Variants in BNC2 observed in about 807,000 individuals in gnomAD.
BNC2 encodes the protein zinc finger protein basonuclin-2.
In BNC2, 20 loss-of-function variants were observed where a neutral mutation model predicts 76.3. The observed-to-expected ratio is 0.26, with a 90% CI of 0.18 to 0.38. The LOEUF (loss-of-function observed/expected upper bound fraction) is 0.38. BNC2 is among the 10% of genes least tolerant of loss of function. BNC2 has a pLI of 1.00. For missense variants in BNC2, 1,382 were observed against 1,399.8 expected, an observed-to-expected ratio of 0.99 and a Z score of 0.20; for synonymous variants, 582 against 514.8, an observed-to-expected ratio of 1.13 and a Z score of -1.77.
intron 4 of BNC2, among the ~76,000 whole-genome samples, chr9:16,562,231 T>C (rs185611757): frequency 3.9e-5 from 6 of 152,300 alleles, no homozygotes; most frequent in African/African-American, 1.4e-4. Context: ...GAGCAAAGCA[T>C]GAGTGTCCAA....
chr9:16,649,942 G>C (rs1203091492), intron 3 of BNC2, among the ~76,000 whole-genome samples: 1 of 152,160 alleles, frequency 6.6e-6, no homozygotes, highest in Admixed American at 6.5e-5. Flanking sequence ...CATTTTCAAA[G>C]TGTGGGCTAG....
intron 3 of BNC2, among the ~76,000 whole-genome samples, chr9:16,594,193 T>A (rs1475158728): frequency 1.3e-5 from 2 of 152,114 alleles, no homozygotes. Flanking sequence ...GAAGCTTAAA[T>A]TCTGGTATGT....
chr9:16,804,203 T>A (rs143766571), intron 1 of BNC2, among the ~76,000 whole-genome samples: 16 of 152,336 alleles, frequency 1.1e-4, no homozygotes, highest in African/African-American at 3.8e-4. Flanking sequence ...CAATAAAGCA[T>A]CATAAAATAA....
chr9:16,741,322 G>T (rs557945774), intron 1 of BNC2, among the ~76,000 whole-genome samples: 1 of 152,160 alleles, frequency 6.6e-6, no homozygotes, highest in Admixed American at 6.5e-5. Context: ...GTATGGTGGT[G>T]CATGCCTGTA....
chr9:16,856,277 TCACA>T (rs5896710), intron 1 of BNC2, among the ~76,000 whole-genome samples: 60,295 of 148,086 alleles, frequency 0.41, 14,050 homozygotes, highest in Non-Finnish European at 0.55. Context: ...TCTCTCTCTC[TCACA>T]CACACACACA....
chr9:16,738,524 A>G, intron 1 of BNC2, 39 bp from the exon 2 acceptor site: 2 of 1,609,380 alleles, frequency 1.2e-6, no homozygotes, highest in Non-Finnish European at 1.7e-6. Flanking sequence ...ATATGCCCAG[A>G]CAGTATTACT....
chr9:16,717,313 ACTTT>A (rs1824020491), intron 3 of BNC2, among the ~76,000 whole-genome samples: 3 of 152,266 alleles, frequency 2.0e-5, no homozygotes, highest in South Asian at 2.1e-4. Flanking sequence ...GACTAAACTT[ACTTT>A]CTTTCTTTTT....
At chr9:16,751,054 C>G (rs1195180535) in intron 1 of BNC2, among the ~76,000 whole-genome samples, 1 of 152,096 alleles carries the variant, frequency 6.6e-6, no homozygotes, top group Non-Finnish European at 1.5e-5. Flanking sequence ...AATTCACCCA[C>G]AAGATTAAAT....
chr9:16,451,708 T>A (rs567309665), intron 5 of BNC2, among the ~76,000 whole-genome samples: 1 of 152,270 alleles, frequency 6.6e-6, no homozygotes, highest in Non-Finnish European at 1.5e-5. Flanking sequence ...TCCTCTCCTA[T>A]CTTTTTCCTT....
intron 1 of BNC2, among the ~76,000 whole-genome samples, chr9:16,751,834 A>G (rs1190555475): frequency 6.6e-6 from 1 of 152,038 alleles, no homozygotes; most frequent in Non-Finnish European, 1.5e-5. Context: ...GTTCAAGACC[A>G]GCCTGGCCAA....
chr9:16,845,598 G>C (rs1007304985), intron 1 of BNC2, among the ~76,000 whole-genome samples: 2 of 152,074 alleles, frequency 1.3e-5, no homozygotes, highest in African/African-American at 4.8e-5. Context: ...GCGTGGGCCT[G>C]TAGTCCCAGC....
chr9:16,452,004 C>A (rs1587043284), intron 5 of BNC2, among the ~76,000 whole-genome samples: 2 of 152,162 alleles, frequency 1.3e-5, no homozygotes, highest in African/African-American at 2.4e-5. Flanking sequence ...GTGTAAGTAG[C>A]TGACTTGGGA....
At chr9:16,825,870 T>A (rs1423881967) in intron 1 of BNC2, among the ~76,000 whole-genome samples, 1 of 151,090 alleles carries the variant, frequency 6.6e-6, no homozygotes, top group East Asian at 1.9e-4. Flanking sequence ...ATAACTGTAT[T>A]TTTTTTTTGC....
At chr9:16,563,656 T>A (rs1226079126) in intron 4 of BNC2, among the ~76,000 whole-genome samples, 3 of 152,216 alleles carry the variant, frequency 2.0e-5, no homozygotes, top group African/African-American at 7.2e-5. Context: ...GACAATGTGG[T>A]AACAAACCTC....
rs941117540 is a variant in BNC2 at position 16,418,900 on chromosome 9, C to T, written c.*89G>A. On this transcript the variant is annotated 3_prime_UTR_variant, in exon 7 of 7. Coordinates refer to ENST00000380672, the MANE Select transcript of BNC2 (RefSeq NM_017637.6). ...ACACACACACACACACACACACACA[C>T]CCCAAGTACATAAGCGCACACTGAC... The T allele has an allele frequency of 7.3e-5, 104 of 1,416,996 alleles. No homozygotes were observed. The highest frequency in any genetic ancestry group is 9.8e-5 in the Non-Finnish European group (98 of 1,003,168). The allele number at this position is 1,416,996 out of a possible 1,614,324, so 87.8% of individuals were successfully genotyped here.
chr9:16,753,448 C>T (rs556295274), intron 1 of BNC2, among the ~76,000 whole-genome samples: 3 of 152,166 alleles, frequency 2.0e-5, no homozygotes, highest in Non-Finnish European at 4.4e-5. Flanking sequence ...AAGCAAATTA[C>T]AAAACTTATC....
intron 5 of BNC2, among the ~76,000 whole-genome samples, chr9:16,487,547 A>G (rs915736323): frequency 3.3e-5 from 5 of 152,226 alleles, no homozygotes; most frequent in Non-Finnish European, 7.3e-5. Context: ...CTGTTTTAGC[A>G]GAACAATATT....
intron 4 of BNC2, among the ~76,000 whole-genome samples, chr9:16,582,698 G>A (rs1563849693): frequency 1.3e-5 from 2 of 152,276 alleles, no homozygotes; most frequent in East Asian, 3.9e-4. Context: ...CCTGGTGCTT[G>A]CTGGCTGCGC....
At chr9:16,600,860 T>C (rs1820225466) in intron 3 of BNC2, among the ~76,000 whole-genome samples, 1 of 152,200 alleles carries the variant, frequency 6.6e-6, no homozygotes, top group African/African-American at 2.4e-5. Flanking sequence ...TACACAGTTG[T>C]CAGGTGTCCT....
Sources: gnomAD v4.1 joint callset for allele counts (sites outside exome capture counted in the v4.1 genomes callset) on GRCh38, gnomAD v4.1.1 for gene constraint, MANE v1.5 for transcripts, NCBI Gene and HGNC (gene_info 2026-07-23, HGNC 2026-07-21) for gene names.